Variants in LNPEP observed in about 807,000 individuals in gnomAD.
LNPEP encodes leucyl-cystinyl aminopeptidase.
A neutral mutation model predicts 120.6 loss-of-function variants in LNPEP; 64 were observed. The observed-to-expected ratio is 0.53, with a 90% CI of 0.43 to 0.65. The LOEUF is 0.65. Ranked by LOEUF, LNPEP falls within the 30% of genes least tolerant of loss-of-function variation. The pLI is 0.00. For missense variants in LNPEP, 1,057 were observed against 1,200.0 expected (o/e 0.88, Z 1.76); for synonymous variants, 435 against 425.4 (o/e 1.02, Z -0.28).
intron 1 of LNPEP, among the ~76,000 whole-genome samples, chr5:96,943,986 G>A (rs1789121748): frequency 6.6e-6 from 1 of 152,194 alleles, no homozygotes; most frequent in Admixed American, 6.5e-5. Flanking sequence ...CTTCAACTGA[G>A]GGAACAGAAG....
intron 1 of LNPEP, among the ~76,000 whole-genome samples, chr5:96,954,916 G>T (rs1349376205): frequency 6.7e-6 from 1 of 148,830 alleles, no homozygotes; most frequent in East Asian, 2.0e-4. Context: ...CGGAGTAGCT[G>T]GGACTACCGG....
chr5:96,958,493 T>C (rs1229098146), intron 1 of LNPEP: 1 of 985,520 alleles, frequency 1.0e-6, no homozygotes, highest in Non-Finnish European at 1.2e-6. Context: ...CGTACAGCCA[T>C]GAATGTCAGG....
intron 17 of LNPEP, 108 bp from the exon 18 acceptor site, chr5:97,028,294 A>G (rs1791393491): frequency 1.0e-6 from 1 of 981,914 alleles, no homozygotes. Flanking sequence ...ACTGCTTTCA[A>G]GATAGCAGCA....
Position 97,029,629 on chromosome 5 carries a change from C to T in LNPEP, c.*1096C>T, listed in dbSNP as rs950032996. Reference sequence around the variant, plus strand: ...AGTTCACCATAGTACCTTAAAGGAACAAAGAGAATGTGGGATAGGAGTAAC... The same window carrying T: ...AGTTCACCATAGTACCTTAAAGGAATAAAGAGAATGTGGGATAGGAGTAAC... On this transcript the variant is annotated 3_prime_UTR_variant, in exon 18 of 18. Coordinates refer to ENST00000231368, the MANE Select transcript of LNPEP (RefSeq NM_005575.3). 3.9e-5 allele frequency: 6 copies of T among 152,152 alleles called. No homozygotes were observed. The highest frequency in any genetic ancestry group is 1.4e-4 in the African/African-American group (6 of 41,426). The allele number at this position is 152,152 out of a possible 1,614,324, so 9.4% of individuals were successfully genotyped here.
intron 1 of LNPEP, chr5:96,958,479 GAGCCGTAC>G: frequency 1.0e-6 from 1 of 984,728 alleles, no homozygotes; most frequent in Non-Finnish European, 1.2e-6. Flanking sequence ...TACAGAAGTG[GAGCCGTAC>G]AGCCATGAAT....
Position 97,035,207 on chromosome 5 carries a change from G to A in LNPEP, c.*6674G>A, listed in dbSNP as rs549584425. ...TCTTTGGGTGGGTAATAGTCAGGGG[G>A]AAAGGACAGTGTCTATACTTTTTAA... On this transcript the variant is annotated 3_prime_UTR_variant, in exon 18 of 18. Transcript: ENST00000231368. 1 of 152,088 alleles carries A rather than the reference G, an allele frequency of 6.6e-6. No homozygotes were observed. The highest frequency in any genetic ancestry group is 1.9e-4 in the East Asian group (1 of 5,182). 9.4% of individuals were successfully genotyped at this position (152,088 alleles called of 1,614,324 possible).
chr5:96,998,636 T>C (rs1006439193), intron 8 of LNPEP, among the ~76,000 whole-genome samples: 7 of 152,134 alleles, frequency 4.6e-5, no homozygotes, highest in African/African-American at 1.7e-4. Flanking sequence ...TCACCATAGG[T>C]CGGAGAATAG....
In LNPEP at chr5:97,037,084, T is replaced by G. The variant is rs1791584194; in HGVS notation, c.*8551T>G. Reference sequence around the variant, plus strand: ...TTATGGCATAATTGGAGCATTTGCATTAATCAACAAACTCACATTGAGACA... The same window carrying G: ...TTATGGCATAATTGGAGCATTTGCAGTAATCAACAAACTCACATTGAGACA... On this transcript the variant is annotated 3_prime_UTR_variant, in exon 18 of 18. Coordinates refer to ENST00000231368, the MANE Select transcript of LNPEP (RefSeq NM_005575.3). 1 of 152,186 alleles carries G rather than the reference T, an allele frequency of 6.6e-6. No individual in the cohort carries two copies. The highest frequency in any genetic ancestry group is 1.5e-5 in the Non-Finnish European group (1 of 68,036). 9.4% of individuals were successfully genotyped at this position (152,186 alleles called of 1,614,324 possible).
chr5:96,950,095 C>A (rs1407047985), intron 1 of LNPEP, among the ~76,000 whole-genome samples: 1 of 152,124 alleles, frequency 6.6e-6, no homozygotes, highest in African/African-American at 2.4e-5. Flanking sequence ...TATTTCAAAC[C>A]CTATGCTTTG....
intron 7 of LNPEP, 35 bp from the exon 8 acceptor site, chr5:96,997,979 A>C: frequency 7.0e-7 from 1 of 1,426,348 alleles, no homozygotes; most frequent in South Asian, 1.3e-5. Context: ...ATTTGATACT[A>C]CTTGTGATAT....
intron 4 of LNPEP, among the ~76,000 whole-genome samples, chr5:96,991,734 A>T (rs2112625360): frequency 6.6e-6 from 1 of 152,302 alleles, no homozygotes; most frequent in East Asian, 1.9e-4. Context: ...TAGATTATGA[A>T]GATTTTCTCC....
chr5:97,027,711 T>C (rs746300039), intron 16 of LNPEP, 22 bp from the exon 17 acceptor site: 3 of 1,496,024 alleles, frequency 2.0e-6, no homozygotes, highest in Admixed American at 1.7e-5. Flanking sequence ...ATCTTTTTGC[T>C]CTTGTTTTTG....
At chr5:96,979,068 A>T in intron 1 of LNPEP, 70 bp from the exon 2 acceptor site, 8 of 1,499,000 alleles carry the variant, frequency 5.3e-6, no homozygotes, top group Non-Finnish European at 6.2e-6. Context: ...TAGGTAGAAG[A>T]CATGTTATTA....
chr5:96,978,400 T>C (rs1241336823), intron 1 of LNPEP, among the ~76,000 whole-genome samples: 1 of 152,168 alleles, frequency 6.6e-6, no homozygotes, highest in Non-Finnish European at 1.5e-5. Context: ...GAAAAACAGA[T>C]TGAATTATAA....
chr5:96,940,052 G>A (rs1789016756), intron 1 of LNPEP, among the ~76,000 whole-genome samples: 1 of 152,064 alleles, frequency 6.6e-6, no homozygotes, highest in Non-Finnish European at 1.5e-5. Context: ...TCTGTCTTAA[G>A]TTTTTAATTT....
chr5:96,949,580 A>T (rs886338075), intron 1 of LNPEP, among the ~76,000 whole-genome samples: 2 of 152,212 alleles, frequency 1.3e-5, no homozygotes, highest in Non-Finnish European at 2.9e-5. Context: ...TAAAGAGTAG[A>T]GGAACTGTAC....
rs530893717 is a variant in LNPEP, at chr5:97,028,360, G to T, written c.2947-42G>T. ...AAGCTGGGGTTACCTGAGGTTTATC[G>T]TCCTTTTCTTCTTTTGAAATTCTTC... is the stretch of plus-strand genomic sequence containing the variant. On this transcript the variant is annotated intron_variant, in intron 17 of 17. Coordinates refer to ENST00000231368, the MANE Select transcript of LNPEP (RefSeq NM_005575.3). 4.4e-6 allele frequency: 7 copies of T among 1,603,298 alleles called. No individual in the cohort carries two copies. In the South Asian group the frequency reaches 6.6e-5, roughly 15 times the overall value.
intron 1 of LNPEP, among the ~76,000 whole-genome samples, chr5:96,953,169 T>C (rs749845897): frequency 1.3e-5 from 2 of 152,238 alleles, no homozygotes; most frequent in Non-Finnish European, 2.9e-5. Flanking sequence ...CTTGCTATAA[T>C]GTAATTTCCA....
intron 14 of LNPEP, among the ~76,000 whole-genome samples, chr5:97,023,839 A>G (rs1055990120): frequency 3.3e-5 from 5 of 152,154 alleles, no homozygotes; most frequent in African/African-American, 1.2e-4. Context: ...CATCATTCCA[A>G]TTTCTCTACA....
Sources: allele counts gnomAD v4.1 joint callset (sites outside exome capture counted in the v4.1 genomes callset), GRCh38; gene constraint gnomAD v4.1.1; transcripts MANE v1.5; gene names NCBI Gene and HGNC (gene_info 2026-07-23, HGNC 2026-07-21).